MAPK4: variants seen among roughly 807,000 people sequenced by gnomAD.
The protein encoded by MAPK4 is mitogen-activated protein kinase 4.
MAPK4 carries 22 observed loss-of-function variants against 47.7 expected under a neutral mutation model. The ratio of observed to expected loss-of-function variants is 0.46; its 90% CI spans 0.33 to 0.66. The LOEUF (loss-of-function observed/expected upper bound fraction) is 0.66. Ranked by LOEUF, MAPK4 falls within the 30% of genes least tolerant of loss-of-function variation. MAPK4 has a pLI of 0.02. For synonymous variants in MAPK4, 390 were observed against 365.7 expected, an observed-to-expected ratio of 1.07 and a Z score of -0.76; for missense variants, 736 against 831.7, an observed-to-expected ratio of 0.88 and a Z score of 1.42.
intron 2 of MAPK4, among the ~76,000 whole-genome samples, chr18:50,694,491 C>T (rs1047561286): frequency 2.6e-5 from 4 of 152,190 alleles, no homozygotes; most frequent in Non-Finnish European, 5.9e-5. Context: ...CTCCATCCAC[C>T]GGAGCCCTAT....
chr18:50,627,064 C>T (rs2042785273), intron 1 of MAPK4, among the ~76,000 whole-genome samples: 1 of 127,962 alleles, frequency 7.8e-6, no homozygotes, highest in South Asian at 3.0e-4. Context: ...CCCGCCCACT[C>T]ATCTTGGCCA....
chr18:50,625,882 G>GCGCGCA (rs977882396), intron 1 of MAPK4, among the ~76,000 whole-genome samples: 2 of 145,342 alleles, frequency 1.4e-5, no homozygotes, highest in African/African-American at 5.2e-5. Context: ...GTGTGTGTAT[G>GCGCGCA]CACACACACA....
At chr18:50,648,686 T>C (rs928594806) in intron 1 of MAPK4, among the ~76,000 whole-genome samples, 1 of 152,086 alleles carries the variant, frequency 6.6e-6, no homozygotes, top group Non-Finnish European at 1.5e-5. Flanking sequence ...TGATGTAGCA[T>C]CTAGGTATTT....
At chr18:50,618,683 A>G (rs2042705180) in intron 1 of MAPK4, among the ~76,000 whole-genome samples, 2 of 152,168 alleles carry the variant, frequency 1.3e-5, no homozygotes, top group Non-Finnish European at 2.9e-5. Context: ...GGTAATGTTT[A>G]TATCTATTTC....
chr18:50,723,091 G>A (rs1463743676), intron 4 of MAPK4, among the ~76,000 whole-genome samples: 1 of 152,200 alleles, frequency 6.6e-6, no homozygotes, highest in East Asian at 1.9e-4. Flanking sequence ...AATCTCCGTG[G>A]CTTAACCCAC....
intron 1 of MAPK4, among the ~76,000 whole-genome samples, chr18:50,637,678 C>G (rs1480212788): frequency 9.2e-5 from 14 of 152,158 alleles, no homozygotes; most frequent in Admixed American, 7.2e-4. Flanking sequence ...GGTGAGTTAA[C>G]CAACAGACAC....
chr18:50,607,316 T>C (rs1467516011), intron 1 of MAPK4, among the ~76,000 whole-genome samples: 1 of 152,200 alleles, frequency 6.6e-6, no homozygotes, highest in Non-Finnish European at 1.5e-5. Context: ...TTAACTTGCT[T>C]ACGATCTCAC....
At chr18:50,699,653 A>G (rs1292380912) in intron 2 of MAPK4, among the ~76,000 whole-genome samples, 1 of 152,220 alleles carries the variant, frequency 6.6e-6, no homozygotes, top group Non-Finnish European at 1.5e-5. Context: ...GGTTAAGAGC[A>G]GTCCCACACA....
chr18:50,729,656 C>A lies in MAPK4; in HGVS notation c.1566C>A (p.Pro522=), dbSNP rs1214727656. ...CCGAGCGCCGCTTGTCTGCCTCGCC[C>A]CCCGGCCGCCCGGCCCCGGTGGACG... The part of the protein sequence containing the change: ...DDPERRLSAS[P]PGRPAPVDGG... Residue 522 remains proline, a synonymous_variant, in exon 6 of 6, where the codon CCC becomes CCA. Coordinates refer to ENST00000400384, the MANE Select transcript of MAPK4 (RefSeq NM_002747.4). 1 of 1,521,876 alleles carries A rather than the reference C, an allele frequency of 6.6e-7. No homozygotes were observed. The highest frequency in any genetic ancestry group is 1.4e-5 in the African/African-American group (1 of 71,122). The allele number at this position is 1,521,876 out of a possible 1,614,324, so 94.3% of individuals were successfully genotyped here.
At chr18:50,580,838 G>C (rs1032558556) in intron 1 of MAPK4, among the ~76,000 whole-genome samples, 1 of 152,208 alleles carries the variant, frequency 6.6e-6, no homozygotes, top group Non-Finnish European at 1.5e-5. Flanking sequence ...ATCGATTACA[G>C]AACTTCTTTT....
At chr18:50,684,951 C>T (rs1908790585) in intron 2 of MAPK4, among the ~76,000 whole-genome samples, 1 of 152,226 alleles carries the variant, frequency 6.6e-6, no homozygotes, top group Non-Finnish European at 1.5e-5. Context: ...TCTTTGTTCA[C>T]CTGGCTGTCC....
intron 2 of MAPK4, among the ~76,000 whole-genome samples, chr18:50,696,072 A>G (rs931360883): frequency 6.6e-6 from 1 of 151,758 alleles, no homozygotes; most frequent in Non-Finnish European, 1.5e-5. Flanking sequence ...TGCAGTGGGC[A>G]AGATGAGAGC....
chr18:50,718,856 C>T (rs918585215), intron 3 of MAPK4, among the ~76,000 whole-genome samples: 1 of 151,834 alleles, frequency 6.6e-6, no homozygotes, highest in South Asian at 2.1e-4. Context: ...CCGAGGTGGG[C>T]GGATTGCCTG....
At chr18:50,675,038 G>A (rs1908178720) in intron 2 of MAPK4, among the ~76,000 whole-genome samples, 1 of 152,184 alleles carries the variant, frequency 6.6e-6, no homozygotes, top group Admixed American at 6.5e-5. Context: ...ACTCTTCTAA[G>A]TGCTTAATGG....
intron 1 of MAPK4, among the ~76,000 whole-genome samples, chr18:50,640,234 C>A (rs1298329749): frequency 2.0e-5 from 3 of 152,142 alleles, no homozygotes; most frequent in Non-Finnish European, 4.4e-5. Flanking sequence ...GGCATACAAC[C>A]AAATAGGCTT....
At chr18:50,661,110 A>G (rs2043167121) in intron 1 of MAPK4, among the ~76,000 whole-genome samples, 1 of 152,204 alleles carries the variant, frequency 6.6e-6, no homozygotes, top group South Asian at 2.1e-4. Context: ...ACAACCCAGC[A>G]GAAGCTGGAA....
chr18:50,691,262 G>A (rs1421332275), intron 2 of MAPK4, among the ~76,000 whole-genome samples: 4 of 152,010 alleles, frequency 2.6e-5, no homozygotes, highest in African/African-American at 9.7e-5. Flanking sequence ...CCAGAGTGCT[G>A]GGATTACAGG....
At chr18:50,721,168 A>T (rs1242202057) in intron 3 of MAPK4, among the ~76,000 whole-genome samples, 1 of 152,236 alleles carries the variant, frequency 6.6e-6, no homozygotes, top group African/African-American at 2.4e-5. Flanking sequence ...CAGAAATGCC[A>T]TACGGTGGCC....
At chr18:50,708,706 C>T (rs1467074329) in intron 2 of MAPK4, among the ~76,000 whole-genome samples, 1 of 152,122 alleles carries the variant, frequency 6.6e-6, no homozygotes, top group Non-Finnish European at 1.5e-5. Context: ...CACAGAAAGC[C>T]CTGGCAGCCT....
Sources: gnomAD v4.1 joint callset for allele counts (sites outside exome capture counted in the v4.1 genomes callset) on GRCh38, gnomAD v4.1.1 for gene constraint, MANE v1.5 for transcripts, NCBI Gene and HGNC (gene_info 2026-07-23, HGNC 2026-07-21) for gene names.